The following ATP10B variants were observed in gnomAD, a reference collection of about 807,000 sequenced individuals.
ATP10B encodes phospholipid-transporting ATPase VB.
ATP10B carries 122 observed loss-of-function variants against 141.2 expected under a neutral mutation model. The ratio of observed to expected loss-of-function variants is 0.86; its 90% CI spans 0.75 to 1.00. ATP10B has a LOEUF of 1.00. Ranked by LOEUF, ATP10B falls within the 50% of genes least tolerant of loss-of-function variation. The pLI, the probability that ATP10B is intolerant of heterozygous loss-of-function variation, is 0.00. For synonymous variants in ATP10B, 685 were observed against 692.0 expected (o/e 0.99, Z 0.16); for missense variants, 1,876 against 1,825.3 (o/e 1.03, Z -0.51).
intron 13 of ATP10B, among the ~76,000 whole-genome samples, chr5:160,626,455 C>T (rs546861298): frequency 1.3e-5 from 2 of 152,192 alleles, no homozygotes; most frequent in African/African-American, 4.8e-5. Flanking sequence ...TGGTTAGTAT[C>T]ATTCCACTTT....
At position 160,565,833 on chromosome 5, in the gene ATP10B, T is replaced by G. The variant is rs1452876356; in HGVS notation, c.4006A>C (p.Lys1336Gln). 1 of 1,613,924 alleles carries G rather than the reference T, an allele frequency of 6.2e-7. No individual in the cohort carries two copies. The highest frequency in any genetic ancestry group is 8.5e-7 in the Non-Finnish European group (1 of 1,179,956). ...AGGTTTCTTTTGTCTGGGGGGAGTT[T>G]GTCAATTTTCTGAGCTTTTGAGATT... ...SLISKAQKIDKLPPDKRNLEI... is the reference protein window; with the variant it reads ...SLISKAQKIDQLPPDKRNLEI... Residue 1336 changes from lysine to glutamine, a missense_variant, in exon 26 of 26, where the codon AAA becomes CAA. Physicochemically the swap from Lys to Gln is moderately conservative, Grantham distance 53 (BLOSUM62 1). Coordinates refer to ENST00000327245, the MANE Select transcript of ATP10B (RefSeq NM_025153.3).
intron 2 of ATP10B, among the ~76,000 whole-genome samples, chr5:160,774,197 C>T (rs1227148031): frequency 6.6e-6 from 1 of 152,150 alleles, no homozygotes; most frequent in East Asian, 1.9e-4. Context: ...GTCTTCAGTT[C>T]TGCCCCATAG....
intron 2 of ATP10B, among the ~76,000 whole-genome samples, chr5:160,763,897 T>C (rs1474644034): frequency 1.3e-5 from 2 of 152,082 alleles, no homozygotes. Context: ...ACCACAGAAA[T>C]ACAAAAGATC....
At chr5:160,583,344 T>C (rs974103069) in intron 24 of ATP10B, among the ~76,000 whole-genome samples, 1 of 152,184 alleles carries the variant, frequency 6.6e-6, no homozygotes, top group African/African-American at 2.4e-5. Context: ...GCCTGTCTGC[T>C]GGAGTTTGCT....
chr5:160,578,420 T>C (rs762885793), intron 24 of ATP10B, among the ~76,000 whole-genome samples: 109 of 152,202 alleles, frequency 7.2e-4, no homozygotes, highest in Non-Finnish European at 1.4e-3. Context: ...CTCTCACTTA[T>C]GAGTGAGAAC....
intron 13 of ATP10B, among the ~76,000 whole-genome samples, chr5:160,624,334 A>T (rs1758503186): frequency 1.3e-5 from 2 of 152,192 alleles, no homozygotes; most frequent in Admixed American, 1.3e-4. Context: ...GGAAACTCAG[A>T]CATACCCCAC....
the ATP10B span, among the ~76,000 whole-genome samples, chr5:160,908,588 TCTC>T: frequency 6.6e-6 from 1 of 152,130 alleles, no homozygotes; most frequent in Non-Finnish European, 1.5e-5. Context: ...AGATATCTCA[TCTC>T]CAAGAGGACC....
the ATP10B span, among the ~76,000 whole-genome samples, chr5:160,880,939 T>A: frequency 6.6e-6 from 1 of 152,166 alleles, no homozygotes; most frequent in South Asian, 2.1e-4. Flanking sequence ...ATTGATAAGC[T>A]AGACTTTATT....
intron 24 of ATP10B, among the ~76,000 whole-genome samples, chr5:160,575,025 T>A (rs1331684691): frequency 6.6e-6 from 1 of 152,194 alleles, no homozygotes; most frequent in Non-Finnish European, 1.5e-5. Context: ...TCTATTTTTT[T>A]ATTCCATGAA....
chr5:160,607,381 T>C (rs765718855), intron 18 of ATP10B, among the ~76,000 whole-genome samples: 9 of 152,316 alleles, frequency 5.9e-5, no homozygotes, highest in Non-Finnish European at 1.0e-4. Flanking sequence ...ATAATACTAA[T>C]ATAATGGTAG....
At chr5:160,720,706 C>G (rs1360988692) in intron 2 of ATP10B, among the ~76,000 whole-genome samples, 2 of 152,214 alleles carry the variant, frequency 1.3e-5, no homozygotes, top group African/African-American at 4.8e-5. Context: ...TTATAGCCCT[C>G]TCTTCCTGAT....
At position 160,695,735 on chromosome 5, in the gene ATP10B, A is replaced by G. The variant is rs538257470; in HGVS notation, c.-204-6792T>C. The stretch of plus-strand genomic sequence containing the variant: ...GGTTAGGACTATGGGAGAAAAATCT[A>G]TAAAATTAAGTTTAATCTATACTTA... On this transcript the variant is annotated intron_variant, in intron 3 of 25. Coordinates refer to ENST00000327245, the MANE Select transcript of ATP10B (RefSeq NM_025153.3). 1.3e-3 allele frequency among the ~76,000 whole-genome samples: 201 copies of G among 152,316 alleles called. 2 individuals carry two copies. The highest frequency in any genetic ancestry group is 4.6e-3 in the African/African-American group (193 of 41,566).
intron 2 of ATP10B, among the ~76,000 whole-genome samples, chr5:160,763,257 T>C (rs929679681): frequency 1.3e-5 from 2 of 152,094 alleles, no homozygotes; most frequent in Non-Finnish European, 2.9e-5. Flanking sequence ...CTGCAGAATA[T>C]ACATTCTTCT....
At chr5:160,814,963 C>CTT (rs1363155169) in intron 1 of ATP10B, among the ~76,000 whole-genome samples, 1 of 152,056 alleles carries the variant, frequency 6.6e-6, no homozygotes, top group Non-Finnish European at 1.5e-5. Context: ...CCAGGCCTGC[C>CTT]CTAAAAGAGC....
chr5:160,732,416 T>C (rs558427251), intron 2 of ATP10B, among the ~76,000 whole-genome samples: 1 of 152,218 alleles, frequency 6.6e-6, no homozygotes, highest in Non-Finnish European at 1.5e-5. Context: ...TTTCTTCTAG[T>C]AGTTTTATAG....
chr5:160,707,553 T>A lies in ATP10B; in HGVS notation c.-205+9356A>T, dbSNP rs149340879. Among the ~76,000 whole-genome samples, 497 of 152,352 alleles carry A rather than the reference T, an allele frequency of 3.3e-3. 3 individuals carry two copies. The highest frequency in any genetic ancestry group is 0.011 in the African/African-American group (461 of 41,578). ...ATGAGACAATATCACATACTTTTTT[T>A]AAATTGTAATATGCGCATGTTATGT... On this transcript the variant is annotated intron_variant, in intron 3 of 25. Coordinates refer to ENST00000327245, the MANE Select transcript of ATP10B (RefSeq NM_025153.3).
At chr5:160,751,555 A>G (rs1017263701) in intron 2 of ATP10B, among the ~76,000 whole-genome samples, 4 of 151,924 alleles carry the variant, frequency 2.6e-5, no homozygotes, top group African/African-American at 9.7e-5. Context: ...GATTTATCCT[A>G]CTGTCTGCAA....
At chr5:160,653,664 CATATATATTATATAT>C (rs1381034710) in intron 7 of ATP10B, among the ~76,000 whole-genome samples, 1 of 112,556 alleles carries the variant, frequency 8.9e-6, no homozygotes, top group Non-Finnish European at 1.7e-5. Context: ...TACATATATA[CATATATATTATATAT>C]ACATATATAC....
intron 12 of ATP10B, 68 bp from the exon 13 acceptor site, chr5:160,632,435 A>G (rs530104028): frequency 1.4e-6 from 2 of 1,468,564 alleles, no homozygotes; most frequent in South Asian, 2.4e-5. Context: ...GAAAACCTAG[A>G]CTTTGTGTGG....
Sources: gnomAD v4.1 joint callset for allele counts (sites outside exome capture counted in the v4.1 genomes callset) on GRCh38, gnomAD v4.1.1 for gene constraint, MANE v1.5 for transcripts, NCBI Gene and HGNC (gene_info 2026-07-23, HGNC 2026-07-21) for gene names.